MSRB2: variants seen among roughly 807,000 people sequenced by gnomAD.
The protein encoded by MSRB2 is methionine-R-sulfoxide reductase B2, mitochondrial.
A neutral mutation model predicts 19.0 loss-of-function variants in MSRB2; 17 were observed. The ratio of observed to expected loss-of-function variants is 0.89; its 90% CI spans 0.61 to 1.34. The LOEUF is 1.34. MSRB2 is among the 40% of genes most tolerant of loss of function. MSRB2 has a pLI of 0.00. For missense variants in MSRB2, 208 were observed against 237.6 expected, an observed-to-expected ratio of 0.88 and a Z score of 0.82; for synonymous variants, 107 against 99.7, an observed-to-expected ratio of 1.07 and a Z score of -0.44.
intron 3 of MSRB2, among the ~76,000 whole-genome samples, chr10:23,110,753 A>G (rs1162330997): frequency 2.0e-5 from 3 of 152,110 alleles, no homozygotes; most frequent in African/African-American, 7.2e-5. Context: ...GTAGAATTTT[A>G]TGAGGATAGA....
At chr10:23,110,072 A>G (rs1840032626) in intron 2 of MSRB2, among the ~76,000 whole-genome samples, 170 bp from the exon 3 acceptor site, 1 of 152,254 alleles carries the variant, frequency 6.6e-6, no homozygotes, top group African/African-American at 2.4e-5. Flanking sequence ...ATACATCTGC[A>G]GGCTGCTTCA....
chr10:23,103,549 G>T (rs184916681), intron 1 of MSRB2, among the ~76,000 whole-genome samples: 1 of 152,086 alleles, frequency 6.6e-6, no homozygotes, highest in Admixed American at 6.5e-5. Flanking sequence ...AACAAAATAT[G>T]GACAAAAACC....
At chr10:23,109,662 AC>A (rs1357859350) in intron 2 of MSRB2, among the ~76,000 whole-genome samples, 1 of 152,160 alleles carries the variant, frequency 6.6e-6, no homozygotes, top group Admixed American at 6.6e-5. Flanking sequence ...AAACCCTGTA[AC>A]CCACAATGAA....
chr10:23,109,447 A>C (rs556012916), intron 2 of MSRB2, among the ~76,000 whole-genome samples: 1 of 152,062 alleles, frequency 6.6e-6, no homozygotes, highest in Non-Finnish European at 1.5e-5. Context: ...GGAGGCTGAG[A>C]CAGGAGAATC....
chr10:23,105,941 T>C (rs1463357793), intron 2 of MSRB2, among the ~76,000 whole-genome samples: 1 of 152,212 alleles, frequency 6.6e-6, no homozygotes, highest in South Asian at 2.1e-4. Flanking sequence ...TAGCCATTTG[T>C]GTAGACTGCA....
At chr10:23,098,810 C>T (rs1839895289) in intron 1 of MSRB2, among the ~76,000 whole-genome samples, 1 of 152,192 alleles carries the variant, frequency 6.6e-6, no homozygotes. Context: ...TTTTCTAAAG[C>T]CCCAGTGTGT....
At chr10:23,104,789 T>TG (rs2131624696) in intron 2 of MSRB2, among the ~76,000 whole-genome samples, 1 of 152,244 alleles carries the variant, frequency 6.6e-6, no homozygotes, top group Admixed American at 6.5e-5. Context: ...TCACATGCCC[T>TG]GGGCTCCCTT....
chr10:23,111,432 G>T (rs75234891), intron 3 of MSRB2, among the ~76,000 whole-genome samples: 1 of 152,190 alleles, frequency 6.6e-6, no homozygotes, highest in African/African-American at 2.4e-5. Flanking sequence ...CCTTGTTACC[G>T]CAGGCACCAG....
intron 1 of MSRB2, 125 bp downstream of exon 1, chr10:23,095,851 G>T: frequency 1.9e-6 from 1 of 534,564 alleles, no homozygotes; most frequent in Non-Finnish European, 2.7e-6. Flanking sequence ...CCTCCTCGGC[G>T]CGCCCCTCCC....
chr10:23,099,603 C>T (rs973400537), intron 1 of MSRB2, among the ~76,000 whole-genome samples: 7 of 152,194 alleles, frequency 4.6e-5, no homozygotes, highest in African/African-American at 1.7e-4. Flanking sequence ...CCTGTAGTCT[C>T]AGCTACTTGG....
At chr10:23,108,475 CTTT>C (rs566565955) in intron 2 of MSRB2, among the ~76,000 whole-genome samples, 8 of 129,250 alleles carry the variant, frequency 6.2e-5, no homozygotes, top group African/African-American at 2.9e-5. Flanking sequence ...GAAACTTCCT[CTTT>C]TTTTTTTTTT....
chr10:23,120,761 G>A lies in MSRB2; in HGVS notation c.448G>A (p.Glu150Lys). 1 of 1,613,484 alleles carries A rather than the reference G, an allele frequency of 6.2e-7. No individual in the cohort carries two copies. The highest frequency in any genetic ancestry group is 8.5e-7 in the Non-Finnish European group (1 of 1,179,520). Residue 150 changes from glutamate to lysine, a missense_variant, in exon 5 of 5, where the codon GAA becomes AAA. Coordinates refer to ENST00000376510, the MANE Select transcript of MSRB2 (RefSeq NM_012228.4). ...ARTEVVCKQCEAHLGHVFPDG... is the reference protein window; with the variant it reads ...ARTEVVCKQCKAHLGHVFPDG... The stretch of plus-strand genomic sequence containing the variant: ...CAGAGGCTTCTGTCCTTTGCAGTGT[G>A]AAGCTCATCTAGGTCACGTGTTTCC...
In MSRB2 at chr10:23,119,543, T is replaced by C. The variant is rs1840158126; in HGVS notation, c.444+92T>C. On this transcript the variant is annotated intron_variant, in intron 4 of 4. Coordinates refer to ENST00000376510, the MANE Select transcript of MSRB2 (RefSeq NM_012228.4). ...TCTTGGCAAATCTGGTGTCCTTTTA[T>C]AGGGGTACTTTCTTTTGTCTTCAGA... 6.3e-6 allele frequency: 9 copies of C among 1,433,428 alleles called. No individual in the cohort carries two copies. The Admixed American group carries it at 2.0e-4, about 31-fold the overall frequency. 88.8% of individuals were successfully genotyped at this position (1,433,428 alleles called of 1,614,324 possible).
chr10:23,110,670 G>A (rs779790710), intron 3 of MSRB2, among the ~76,000 whole-genome samples: 13 of 151,594 alleles, frequency 8.6e-5, no homozygotes, highest in Non-Finnish European at 1.5e-4. Context: ...TCTAAACCGT[G>A]ATTATATTTG....
chr10:23,103,371 A>C (rs752335214), intron 1 of MSRB2, among the ~76,000 whole-genome samples: 33 of 152,252 alleles, frequency 2.2e-4, no homozygotes, highest in Non-Finnish European at 4.3e-4. Flanking sequence ...AGTTGGACAC[A>C]TTATAAAATC....
rs1322084721 is a variant in MSRB2, at chr10:23,121,912, C to T, written c.*1050C>T. ...TACCCACAAATAAACTGCAATAGGA[C>T]TTGGTTAGATTTCAATGATTATGAA... is the stretch of plus-strand genomic sequence containing the variant. On this transcript the variant is annotated 3_prime_UTR_variant, in exon 5 of 5. Coordinates refer to ENST00000376510, the MANE Select transcript of MSRB2 (RefSeq NM_012228.4). 2.0e-5 allele frequency: 3 copies of T among 152,090 alleles called. No individual in the cohort carries two copies. Among genetic ancestry groups the T allele is most frequent in the African/African-American group, 7.2e-5 (3 of 41,384 alleles). 9.4% of individuals were successfully genotyped at this position (152,090 alleles called of 1,614,324 possible).
intron 1 of MSRB2, among the ~76,000 whole-genome samples, chr10:23,102,352 T>C (rs1437096599): frequency 2.0e-5 from 3 of 152,248 alleles, no homozygotes; most frequent in Admixed American, 6.5e-5. Context: ...ACACAGTTGA[T>C]ATTCAAATTT....
intron 2 of MSRB2, among the ~76,000 whole-genome samples, chr10:23,105,214 G>C (rs992520358): frequency 4.6e-5 from 4 of 86,338 alleles, no homozygotes; most frequent in African/African-American, 2.3e-4. Flanking sequence ...CTGTGTGTCT[G>C]TGTGTGTGTG....
intron 3 of MSRB2, among the ~76,000 whole-genome samples, chr10:23,117,272 G>A (rs1462777209): frequency 6.6e-6 from 1 of 152,180 alleles, no homozygotes; most frequent in Non-Finnish European, 1.5e-5. Context: ...AGCCTGGTCT[G>A]AGGACCCCAG....
Sources: allele counts gnomAD v4.1 joint callset (sites outside exome capture counted in the v4.1 genomes callset), GRCh38; gene constraint gnomAD v4.1.1; transcripts MANE v1.5; gene names NCBI Gene and HGNC (gene_info 2026-07-23, HGNC 2026-07-21).